The following THAP6 variants were observed in gnomAD, a reference collection of about 807,000 sequenced individuals.
THAP6 encodes the protein THAP domain containing 6.
In THAP6, 13 loss-of-function variants were observed where a neutral mutation model predicts 20.0. The observed-to-expected ratio is 0.65, with a 90% CI of 0.42 to 1.03. THAP6 has a LOEUF of 1.03. Ranked by LOEUF, THAP6 falls within the 50% of genes least tolerant of loss-of-function variation. The pLI is 0.00. For synonymous variants in THAP6, 93 were observed against 92.2 expected (o/e 1.01, Z -0.05); for missense variants, 262 against 261.6 (o/e 1.00, Z -0.01).
At chr4:75,514,262 C>T (rs1725305312), upstream of THAP6, 3 of 1,612,686 alleles carry the variant, frequency 1.9e-6, no homozygotes, top group East Asian at 4.5e-5. Context: ...CCGCTGGCGC[C>T]ATCTTCCCGG....
chr4:75,540,224 G>A (rs1481110668), intron 2 of THAP6, among the ~76,000 whole-genome samples: 1 of 152,182 alleles, frequency 6.6e-6, no homozygotes, highest in Admixed American at 6.5e-5. Context: ...GCAGAATGTA[G>A]ATCGACTACA....
At chr4:75,514,677 C>T (rs898499117) in intron 1 of THAP6, 157 bp downstream of exon 1, 10 of 171,424 alleles carry the variant, frequency 5.8e-5, no homozygotes, top group Non-Finnish European at 1.2e-4. Flanking sequence ...GACGGGTCCT[C>T]CCTCTCTCCC....
downstream of THAP6, among the ~76,000 whole-genome samples, chr4:75,534,801 T>A: frequency 6.6e-6 from 1 of 152,008 alleles, no homozygotes; most frequent in Non-Finnish European, 1.5e-5. Context: ...AACAGACACA[T>A]GAAAAAAATG....
chr4:75,514,845 A>G (rs1578253728), intron 1 of THAP6: 1 of 156,954 alleles, frequency 6.4e-6, no homozygotes, highest in Middle Eastern at 3.4e-3. Flanking sequence ...CTTTCAAAAT[A>G]TGTACTGACA....
chr4:75,541,613 A>C (rs1727006720), intron 2 of THAP6, among the ~76,000 whole-genome samples: 1 of 152,130 alleles, frequency 6.6e-6, no homozygotes, highest in Non-Finnish European at 1.5e-5. Context: ...AGAATAAAAA[A>C]AGGAAAGAAG....
At chr4:75,540,905 T>C (rs1391033177) in intron 2 of THAP6, among the ~76,000 whole-genome samples, 1 of 152,186 alleles carries the variant, frequency 6.6e-6, no homozygotes, top group East Asian at 1.9e-4. Flanking sequence ...TAGATGGGTC[T>C]TAAGAGTAGG....
At chr4:75,531,063 G>T (rs1726665982), downstream of THAP6, among the ~76,000 whole-genome samples, 1 of 152,210 alleles carries the variant, frequency 6.6e-6, no homozygotes, top group Non-Finnish European at 1.5e-5. Flanking sequence ...GGCCTGCAAG[G>T]TTGCAAGGTT....
intron 3 of THAP6, among the ~76,000 whole-genome samples, chr4:75,519,815 A>G (rs1212514029): frequency 2.0e-5 from 3 of 151,852 alleles, no homozygotes; most frequent in African/African-American, 4.8e-5. Flanking sequence ...TTATAGCAGC[A>G]TGATTTATAG....
chr4:75,546,315 C>G (rs1009978308), intron 3 of THAP6, among the ~76,000 whole-genome samples: 1 of 152,184 alleles, frequency 6.6e-6, no homozygotes, highest in Admixed American at 6.5e-5. Context: ...AGGGATTGCT[C>G]TCTTCACCAG....
At position 75,539,965 on chromosome 4, in the gene THAP6, C is replaced by T. The variant is rs1726961962; in HGVS notation, c.166-2444C>T. On this transcript the variant is annotated intron_variant, in intron 2 of 4. Coordinates refer to the THAP6 transcript ENST00000502620. ...GGACAGGCAACAGTGGTCAGGTAGG[C>T]TATTTGTGCCTTAAATAATCTTCCC... is the stretch of plus-strand genomic sequence containing the variant. 5 of 1,534,532 alleles carry T rather than the reference C, an allele frequency of 3.3e-6. No individual in the cohort carries two copies. The South Asian group carries it at 6.0e-5, about 18-fold the overall frequency.
At chr4:75,541,517 C>T (rs1026440568) in intron 2 of THAP6, among the ~76,000 whole-genome samples, 8 of 151,204 alleles carry the variant, frequency 5.3e-5, no homozygotes, top group African/African-American at 1.9e-4. Flanking sequence ...AAAGTGGTTA[C>T]TTCTAGAGAG....
intron 2 of THAP6, among the ~76,000 whole-genome samples, chr4:75,536,760 AGCCTCCCGCAATCTGCCCACCTCG>A (rs1479225625): frequency 1.3e-5 from 2 of 152,048 alleles, no homozygotes; most frequent in Admixed American, 6.6e-5. Context: ...TGCCCACCTC[AGCCTCCCGCAATCTGCCCACCTCG>A]GCCTCCCAAA....
chr4:75,525,548 C>T (rs1472039944), intron 4 of THAP6, among the ~76,000 whole-genome samples: 1 of 152,072 alleles, frequency 6.6e-6, no homozygotes, highest in Non-Finnish European at 1.5e-5. Context: ...TCTTAATTGT[C>T]TGCTAATTCT....
chr4:75,527,650 AT>A lies in THAP6; in HGVS notation c.*439del. The A allele has an allele frequency of 1.0e-6, 1 of 998,354 alleles. No homozygotes were observed. Among genetic ancestry groups the A allele is most frequent in the Non-Finnish European group, 1.2e-6 (1 of 837,102 alleles). The allele number at this position is 998,354 out of a possible 1,614,324, so 61.8% of individuals were successfully genotyped here. ...TGCATTTTACTACAAAGCACAATTCATTTGTAATGCATATCCATCTTGGATT... is the reference window on the plus strand; with the variant it reads ...TGCATTTTACTACAAAGCACAATTCATTGTAATGCATATCCATCTTGGATT... On this transcript the variant is annotated 3_prime_UTR_variant, in exon 5 of 5. Transcript: ENST00000311638.
At chr4:75,536,717 AG>A (rs1482815185) in intron 2 of THAP6, among the ~76,000 whole-genome samples, 14 of 152,202 alleles carry the variant, frequency 9.2e-5, no homozygotes, top group African/African-American at 2.6e-4. Context: ...CATGTTGCCC[AG>A]GCTGGTCTTG....
chr4:75,519,135 T>C (rs1175715668), intron 3 of THAP6, among the ~76,000 whole-genome samples: 1 of 152,200 alleles, frequency 6.6e-6, no homozygotes, highest in Non-Finnish European at 1.5e-5. Context: ...CAGTATGTAC[T>C]CTGGCTTCTT....
chr4:75,526,838 C>CT, intron 4 of THAP6, 122 bp from the exon 5 acceptor site: 2 of 1,416,886 alleles, frequency 1.4e-6, no homozygotes, highest in East Asian at 2.5e-5. Context: ...CCTTAAACCT[C>CT]TATCACCAAC....
At chr4:75,523,698 A>T (rs1032995249) in intron 4 of THAP6, among the ~76,000 whole-genome samples, 9 of 149,700 alleles carry the variant, frequency 6.0e-5, no homozygotes, top group Admixed American at 2.0e-4. Context: ...GCTGCTCAGG[A>T]GGCTGAGTGG....
chr4:75,514,110 C>T (rs1442595065), upstream of THAP6: 2 of 1,539,550 alleles, frequency 1.3e-6, no homozygotes, highest in Middle Eastern at 1.8e-4. Context: ...TAACCTCAAA[C>T]TTAAATCCAA....
Sources: allele counts gnomAD v4.1 joint callset (sites outside exome capture counted in the v4.1 genomes callset), GRCh38; gene constraint gnomAD v4.1.1; transcripts MANE v1.5; gene names NCBI Gene and HGNC (gene_info 2026-07-23, HGNC 2026-07-21).